ME3: variants seen among roughly 807,000 people sequenced by gnomAD.
ME3 encodes malic enzyme 3.
Under a neutral mutation model 68.9 loss-of-function variants are expected in ME3, and 48 were observed. The ratio of observed to expected loss-of-function variants is 0.70; its 90% CI spans 0.55 to 0.89. The LOEUF (loss-of-function observed/expected upper bound fraction) is 0.89, where lower values mean the gene tolerates loss of function less well. Among genes scored for constraint, ME3 ranks in the 40% least tolerant of loss-of-function variants. The pLI is 0.00. For synonymous variants in ME3, 320 were observed against 318.8 expected (o/e 1.00, Z -0.04); for missense variants, 675 against 797.4 (o/e 0.85, Z 1.85).
Position 86,511,193 on chromosome 11 carries a change from A to G in ME3, c.468-2326T>C, listed in dbSNP as rs149697937. Among the ~76,000 whole-genome samples the G allele has an allele frequency of 2.8e-4, 43 of 152,280 alleles. No homozygotes were observed. In the East Asian group the frequency reaches 7.9e-3, roughly 28 times the overall value. On this transcript the variant is annotated intron_variant, in intron 4 of 14. Coordinates refer to ENST00000543262, the Ensembl canonical transcript of ME3. The stretch of plus-strand genomic sequence containing the variant: ...CACTCTTGCCTCTCTCCTATTTTCT[A>G]TATGCTAGTGAGAGTGATGTTCTTG...
At chr11:86,671,486 G>A (rs1264503013) in intron 2 of ME3, among the ~76,000 whole-genome samples, 1 of 152,224 alleles carries the variant, frequency 6.6e-6, no homozygotes, top group Non-Finnish European at 1.5e-5. Context: ...AGAGCTGACC[G>A]CAGGTCAGAC....
chr11:86,664,233 C>T (rs1405174843), intron 2 of ME3, among the ~76,000 whole-genome samples: 1 of 152,152 alleles, frequency 6.6e-6, no homozygotes, highest in Non-Finnish European at 1.5e-5. Context: ...GGAAATAAAT[C>T]TCCCATAATC....
intron 2 of ME3, among the ~76,000 whole-genome samples, chr11:86,579,699 A>T (rs1007355819): frequency 2.0e-4 from 30 of 152,104 alleles, no homozygotes; most frequent in Admixed American, 4.6e-4. Flanking sequence ...TCCTCAATCC[A>T]TTCTATTCAT....
chr11:86,662,919 G>A (rs1946374044), intron 2 of ME3, among the ~76,000 whole-genome samples: 2 of 152,166 alleles, frequency 1.3e-5, no homozygotes, highest in South Asian at 4.1e-4. Flanking sequence ...CTCCTGTTGG[G>A]AAGTCCCTGG....
At chr11:86,609,644 G>A (rs1415288699) in intron 2 of ME3, among the ~76,000 whole-genome samples, 1 of 152,132 alleles carries the variant, frequency 6.6e-6, no homozygotes, top group Non-Finnish European at 1.5e-5. Context: ...ACATACTGAA[G>A]AATATATATC....
rs1016816901 is a variant in ME3 at position 86,518,920 on chromosome 11, G to A, written c.468-10053C>T. ...TGCATCCAGAGGCAAGGAATGCCAA[G>A]GATTGCCAGCAAATAACAGAAGCTA... On this transcript the variant is annotated intron_variant, in intron 4 of 14. Transcript: ENST00000543262. 2.2e-4 allele frequency among the ~76,000 whole-genome samples: 33 copies of A among 152,324 alleles called. 1 individual carries two copies. Among genetic ancestry groups the A allele is most frequent in the Non-Finnish European group, 5.9e-5 (4 of 68,024 alleles).
intron 2 of ME3, among the ~76,000 whole-genome samples, chr11:86,640,793 C>T (rs1020714990): frequency 3.9e-5 from 6 of 152,310 alleles, no homozygotes; most frequent in South Asian, 4.1e-4. Flanking sequence ...CAATGGCCCA[C>T]CTCTCCATTC....
At chr11:86,439,235 C>T (rs933842291), downstream of ME3, among the ~76,000 whole-genome samples, 3 of 152,162 alleles carry the variant, frequency 2.0e-5, no homozygotes, top group Non-Finnish European at 4.4e-5. Context: ...TAAAATTAAC[C>T]GTGACAACAT....
chr11:86,599,723 G>C (rs1241381289), intron 2 of ME3, among the ~76,000 whole-genome samples: 2 of 152,206 alleles, frequency 1.3e-5, no homozygotes, highest in East Asian at 1.9e-4. Context: ...TACCCACAAA[G>C]GGAAGCCCAT....
chr11:86,655,403 T>C (rs1053124435), intron 2 of ME3, among the ~76,000 whole-genome samples: 9 of 152,082 alleles, frequency 5.9e-5, no homozygotes, highest in Non-Finnish European at 2.9e-5. Flanking sequence ...AAGAGAGATA[T>C]AGATCAATGG....
intron 7 of ME3, 115 bp from the exon 8 acceptor site, chr11:86,465,315 G>A (rs1258369774): frequency 1.3e-6 from 1 of 770,228 alleles, no homozygotes; most frequent in South Asian, 1.4e-5. Flanking sequence ...GAGGTGGCAT[G>A]GCTCCTTCAT....
At chr11:86,600,724 T>C (rs1960484948) in intron 2 of ME3, among the ~76,000 whole-genome samples, 1 of 151,772 alleles carries the variant, frequency 6.6e-6, no homozygotes, top group African/African-American at 2.4e-5. Flanking sequence ...TCAGCAAATG[T>C]AAAAGATCAG....
downstream of ME3, among the ~76,000 whole-genome samples, chr11:86,438,999 A>G (rs1330391413): frequency 1.3e-5 from 2 of 152,192 alleles, no homozygotes; most frequent in Non-Finnish European, 2.9e-5. Flanking sequence ...GAAAAAGCCA[A>G]TATCCCAGTT....
intron 4 of ME3, among the ~76,000 whole-genome samples, chr11:86,535,391 G>A (rs778833602): frequency 1.1e-4 from 16 of 152,090 alleles, no homozygotes; most frequent in Non-Finnish European, 1.5e-5. Flanking sequence ...GGCAATCTAT[G>A]GAACCTCATT....
At position 86,487,287 on chromosome 11, in the gene ME3, C is replaced by T. The variant is rs773862142; in HGVS notation, c.809+50G>A. The T allele has an allele frequency of 1.7e-5, 25 of 1,460,848 alleles. No homozygotes were observed. The East Asian group carries it at 3.6e-4, about 21-fold the overall frequency. The allele number at this position is 1,460,848 out of a possible 1,614,324, so 90.5% of individuals were successfully genotyped here. A position where few individuals can be genotyped will look rare whatever the true frequency, so the allele number is the denominator to read the frequency against. ...CCAAAACCAGTGTTGACTTTAGTCA[C>T]GGCATCTCTTAAAAGTCCTCTTTCA... is the stretch of plus-strand genomic sequence containing the variant. On this transcript the variant is annotated intron_variant, in intron 7 of 14. Transcript: ENST00000543262.
At chr11:86,531,986 C>CAAA (rs1491494997) in intron 4 of ME3, among the ~76,000 whole-genome samples, 55 of 31,774 alleles carry the variant, frequency 1.7e-3, no homozygotes, top group African/African-American at 6.3e-3. Context: ...TTAAAAAAAA[C>CAAA]CAAACCAAAA....
chr11:86,443,333 G>A (rs7949910), intron 13 of ME3, among the ~76,000 whole-genome samples: 51,800 of 152,102 alleles, frequency 0.34, 9,296 homozygotes, highest in Admixed American at 0.41. Flanking sequence ...GCTATGTTAT[G>A]TCTTTGTGTT....
At chr11:86,570,316 G>A (rs781353699) in intron 2 of ME3, among the ~76,000 whole-genome samples, 5 of 152,186 alleles carry the variant, frequency 3.3e-5, no homozygotes, top group Non-Finnish European at 5.9e-5. Context: ...AGATTGTACA[G>A]TTTAAGCTGA....
rs573529833 is a variant in ME3 at position 86,508,989 on chromosome 11, T to G, written c.468-122A>C. On this transcript the variant is annotated intron_variant, in intron 4 of 14. Transcript: ENST00000543262. ...GCCCATAGACCTGGGCAAGAAAGAT[T>G]CCTGCCCGAGGCCCCAGCAGTTTAG... The G allele has an allele frequency of 1.7e-5, 13 of 763,966 alleles. No individual in the cohort carries two copies. In the Admixed American group the frequency reaches 3.0e-4, roughly 18 times the overall value. 47.3% of individuals were successfully genotyped at this position (763,966 alleles called of 1,614,324 possible). A position where few individuals can be genotyped will look rare whatever the true frequency, so the allele number is the denominator to read the frequency against.
Sources: gnomAD v4.1 joint callset for allele counts (sites outside exome capture counted in the v4.1 genomes callset) on GRCh38, gnomAD v4.1.1 for gene constraint, MANE v1.5 for transcripts, NCBI Gene and HGNC (gene_info 2026-07-23, HGNC 2026-07-21) for gene names.